The following BABAM2 variants were observed in gnomAD, a reference collection of about 807,000 sequenced individuals.
The protein encoded by BABAM2 is BRISC and BRCA1 A complex member 2.
In BABAM2, 31 loss-of-function variants were observed where a neutral mutation model predicts 54.7. The ratio of observed to expected loss-of-function variants is 0.57; its 90% CI spans 0.43 to 0.77. BABAM2 has a LOEUF of 0.77. Among genes scored for constraint, BABAM2 ranks in the 30% least tolerant of loss-of-function variants. The pLI, the probability that BABAM2 is intolerant of heterozygous loss-of-function variation, is 0.00. For synonymous variants in BABAM2, 167 were observed against 162.9 expected (o/e 1.03, Z -0.19); for missense variants, 364 against 455.8 (o/e 0.80, Z 1.83).
intron 5 of BABAM2, among the ~76,000 whole-genome samples, chr2:28,037,746 A>G (rs1028987924): frequency 6.6e-6 from 1 of 152,212 alleles, no homozygotes; most frequent in Non-Finnish European, 1.5e-5. Context: ...GTCAAGTTGC[A>G]CTTTTTGTCA....
At chr2:28,118,245 A>G (rs1479062385) in intron 6 of BABAM2, among the ~76,000 whole-genome samples, 1 of 152,202 alleles carries the variant, frequency 6.6e-6, no homozygotes, top group African/African-American at 2.4e-5. Context: ...CAGTAATGGG[A>G]TTGCTGGGTC....
At chr2:27,981,052 A>T (rs886540238) in intron 3 of BABAM2, among the ~76,000 whole-genome samples, 3 of 152,136 alleles carry the variant, frequency 2.0e-5, no homozygotes, top group East Asian at 3.8e-4. Flanking sequence ...TTAAAAATTT[A>T]AAAAGTCTGT....
chr2:28,117,371 A>G (rs1268197027), intron 6 of BABAM2, among the ~76,000 whole-genome samples: 1 of 152,218 alleles, frequency 6.6e-6, no homozygotes, highest in Non-Finnish European at 1.5e-5. Flanking sequence ...TCGTTTAATA[A>G]TTTACCAGAG....
intron 3 of BABAM2, among the ~76,000 whole-genome samples, chr2:27,944,620 C>T (rs1005726815): frequency 4.6e-5 from 7 of 152,022 alleles, no homozygotes; most frequent in African/African-American, 1.7e-4. Flanking sequence ...TTTATTTATT[C>T]ATCCATTGAA....
intron 7 of BABAM2, among the ~76,000 whole-genome samples, chr2:28,220,307 A>C (rs755836905): frequency 6.6e-6 from 1 of 152,166 alleles, no homozygotes; most frequent in African/African-American, 2.4e-5. Context: ...CAATATATCA[A>C]CCTTACAGGG....
At chr2:28,199,746 T>TG (rs1441896631) in intron 7 of BABAM2, among the ~76,000 whole-genome samples, 1 of 152,090 alleles carries the variant, frequency 6.6e-6, no homozygotes, top group Non-Finnish European at 1.5e-5. Context: ...AAGGCAGCGG[T>TG]GGGCAGCAGT....
At chr2:28,313,051 G>C (rs1013051735) in intron 11 of BABAM2, among the ~76,000 whole-genome samples, 1 of 152,168 alleles carries the variant, frequency 6.6e-6, no homozygotes, top group Non-Finnish European at 1.5e-5. Flanking sequence ...TCAAGGGCAG[G>C]AGTTTAGCCT....
At chr2:28,291,473 A>G (rs772979411) in intron 10 of BABAM2, among the ~76,000 whole-genome samples, 1 of 152,114 alleles carries the variant, frequency 6.6e-6, no homozygotes, top group East Asian at 1.9e-4. Context: ...GGATGCCTGT[A>G]ATCCTAGCTA....
At chr2:28,316,199 A>C (rs1166975759) in intron 11 of BABAM2, among the ~76,000 whole-genome samples, 2 of 152,212 alleles carry the variant, frequency 1.3e-5, no homozygotes, top group African/African-American at 4.8e-5. Flanking sequence ...ATTGAGGAGC[A>C]GGTCAGGAAT....
At chr2:28,005,328 T>G (rs1215518472) in intron 4 of BABAM2, among the ~76,000 whole-genome samples, 1 of 152,186 alleles carries the variant, frequency 6.6e-6, no homozygotes, top group Non-Finnish European at 1.5e-5. Context: ...ATTGAAATAC[T>G]GTCTGTTAAT....
chr2:28,025,108 A>C (rs1446170698), intron 4 of BABAM2, 118 bp from the exon 5 acceptor site: 2 of 891,498 alleles, frequency 2.2e-6, no homozygotes, highest in Non-Finnish European at 3.3e-6. Context: ...AAGGAGGAGT[A>C]GTCTGTTCCT....
chr2:28,280,457 A>AATACTCATGGTC (rs781683795), intron 10 of BABAM2, among the ~76,000 whole-genome samples: 188 of 152,278 alleles, frequency 1.2e-3, no homozygotes, highest in Middle Eastern at 3.4e-3. Context: ...CATGGTCAAG[A>AATACTCATGGTC]ATACTCATGG....
chr2:28,321,906 G>A (rs1283152061), intron 11 of BABAM2, among the ~76,000 whole-genome samples: 1 of 150,740 alleles, frequency 6.6e-6, no homozygotes, highest in Non-Finnish European at 1.5e-5. Flanking sequence ...TGCTTCTCAA[G>A]TTTAGCACCA....
At chr2:28,160,753 T>TA (rs56309899) in intron 7 of BABAM2, among the ~76,000 whole-genome samples, 40 of 145,342 alleles carry the variant, frequency 2.8e-4, no homozygotes, top group African/African-American at 8.9e-4. Context: ...TTTTTTTTTT[T>TA]AAATAAAGAG....
chr2:28,114,312 C>T lies in BABAM2; in HGVS notation c.571-14959C>T, dbSNP rs114472491. ...CAAAACTCCTTAAGCTGATAAGCGA[C>T]TCTAGCAAAGTCTCAGCATACTCTC... is the stretch of plus-strand genomic sequence containing the variant. On this transcript the variant is annotated intron_variant, in intron 6 of 11. Coordinates refer to ENST00000379624, the MANE Select transcript of BABAM2 (RefSeq NM_199191.3). Among the ~76,000 whole-genome samples the T allele has an allele frequency of 4.3e-3, 660 of 152,320 alleles. 5 individuals are homozygous for T. The highest frequency in any genetic ancestry group is 0.015 in the African/African-American group (626 of 41,568).
chr2:28,012,818 A>G (rs949208676), intron 4 of BABAM2, among the ~76,000 whole-genome samples: 2 of 152,220 alleles, frequency 1.3e-5, no homozygotes, highest in African/African-American at 2.4e-5. Context: ...ACTTTCCAAG[A>G]TAGAAAGGAA....
chr2:27,950,399 A>G (rs1168410973), intron 3 of BABAM2, among the ~76,000 whole-genome samples: 3 of 152,170 alleles, frequency 2.0e-5, no homozygotes, highest in Non-Finnish European at 2.9e-5. Context: ...ATCTTCATCT[A>G]TTGAGATGAT....
intron 7 of BABAM2, among the ~76,000 whole-genome samples, chr2:28,211,405 GAGAA>G (rs376052322): frequency 0.066 from 910 of 13,818 alleles, 9 homozygotes; most frequent in African/African-American, 0.15. Flanking sequence ...TTTTTTTTTT[GAGAA>G]AGAGTTTCGC....
intron 7 of BABAM2, among the ~76,000 whole-genome samples, chr2:28,211,386 C>CTT (rs770284745): frequency 0.27 from 25,862 of 96,226 alleles, 4,508 homozygotes; most frequent in African/African-American, 0.42. Flanking sequence ...TCCTTATTAT[C>CTT]TTTTTTTTTT....
Sources: allele counts gnomAD v4.1 joint callset (sites outside exome capture counted in the v4.1 genomes callset), GRCh38; gene constraint gnomAD v4.1.1; transcripts MANE v1.5; gene names NCBI Gene and HGNC (gene_info 2026-07-23, HGNC 2026-07-21).